Variants in PTPRD observed in about 807,000 individuals in gnomAD.
PTPRD encodes the protein receptor-type tyrosine-protein phosphatase delta.
In PTPRD, 34 loss-of-function variants were observed where a neutral mutation model predicts 214.5. That is an observed-to-expected ratio of 0.16 (90% CI 0.12 to 0.21). The LOEUF is 0.21. Among genes scored for constraint, PTPRD ranks in the 10% least tolerant of loss-of-function variants. PTPRD has a pLI of 1.00. For missense variants in PTPRD, 2,545 were observed against 2,398.7 expected, an observed-to-expected ratio of 1.06 and a Z score of -1.27; for synonymous variants, 1,128 against 845.7, an observed-to-expected ratio of 1.33 and a Z score of -5.79.
intron 3 of PTPRD, among the ~76,000 whole-genome samples, chr9:10,252,902 G>A (rs775801057): frequency 1.3e-5 from 2 of 151,946 alleles, no homozygotes; most frequent in African/African-American, 2.4e-5. Context: ...TTCTGCCTCA[G>A]CCTCCCGAGT....
At chr9:8,549,147 G>A (rs370749933) in intron 14 of PTPRD, among the ~76,000 whole-genome samples, 11 of 152,158 alleles carry the variant, frequency 7.2e-5, no homozygotes, top group African/African-American at 2.7e-4. Flanking sequence ...GTCTATGTGC[G>A]GATATAACAT....
At chr9:9,139,280 C>G (rs2099856205) in intron 10 of PTPRD, among the ~76,000 whole-genome samples, 1 of 152,106 alleles carries the variant, frequency 6.6e-6, no homozygotes, top group Admixed American at 6.5e-5. Flanking sequence ...AGCAGGTCCT[C>G]AAATAACATC....
intron 6 of PTPRD, among the ~76,000 whole-genome samples, chr9:9,746,985 G>A (rs1196076953): frequency 2.6e-5 from 4 of 152,134 alleles, no homozygotes; most frequent in African/African-American, 4.8e-5. Flanking sequence ...GTTAGGAAAC[G>A]TTTAACATGT....
intron 10 of PTPRD, among the ~76,000 whole-genome samples, chr9:9,023,901 A>C (rs1390917426): frequency 6.6e-6 from 1 of 151,726 alleles, no homozygotes; most frequent in Admixed American, 6.6e-5. Flanking sequence ...ATTTCCTGTG[A>C]TATTGCACAG....
chr9:9,916,053 G>A (rs931834654), intron 5 of PTPRD, among the ~76,000 whole-genome samples: 10 of 150,934 alleles, frequency 6.6e-5, no homozygotes, highest in African/African-American at 2.4e-4. Flanking sequence ...AGGAGAGAAT[G>A]AGGCGATATA....
At chr9:9,040,317 G>C (rs2099635648) in intron 10 of PTPRD, among the ~76,000 whole-genome samples, 1 of 152,178 alleles carries the variant, frequency 6.6e-6, no homozygotes, top group Non-Finnish European at 1.5e-5. Context: ...GCCTGGCAGA[G>C]TCTTCTGGTG....
chr9:9,806,504 C>T (rs562673075), intron 5 of PTPRD, among the ~76,000 whole-genome samples: 17 of 152,198 alleles, frequency 1.1e-4, no homozygotes, highest in Admixed American at 1.0e-3. Context: ...AACATTCTCC[C>T]AGCCCTTGAG....
At chr9:8,680,857 C>T (rs976950361) in intron 12 of PTPRD, among the ~76,000 whole-genome samples, 3 of 152,122 alleles carry the variant, frequency 2.0e-5, no homozygotes, top group Admixed American at 2.0e-4. Flanking sequence ...GCTTACAAAT[C>T]CAACATGTAG....
At chr9:9,963,364 T>C (rs945811734) in intron 4 of PTPRD, among the ~76,000 whole-genome samples, 2 of 152,160 alleles carry the variant, frequency 1.3e-5, no homozygotes, top group Non-Finnish European at 2.9e-5. Context: ...GCAATGGGAA[T>C]TCTATGGGCA....
At chr9:8,472,154 C>G (rs1428487467) in intron 30 of PTPRD, among the ~76,000 whole-genome samples, 1 of 152,064 alleles carries the variant, frequency 6.6e-6, no homozygotes, top group African/African-American at 2.4e-5. Flanking sequence ...GGACGCAAAG[C>G]TACATTTATC....
At chr9:10,417,652 C>T (rs1321976394) in intron 2 of PTPRD, among the ~76,000 whole-genome samples, 1 of 151,498 alleles carries the variant, frequency 6.6e-6, no homozygotes, top group Non-Finnish European at 1.5e-5. Flanking sequence ...TTTAGTAATG[C>T]ATGTTATTAC....
intron 14 of PTPRD, among the ~76,000 whole-genome samples, chr9:8,559,101 CATA>C (rs1564339797): frequency 6.6e-6 from 1 of 152,030 alleles, no homozygotes. Flanking sequence ...ACTGAGATGA[CATA>C]ATATTTTAAT....
At chr9:9,141,322 C>A (rs1272890751) in intron 10 of PTPRD, among the ~76,000 whole-genome samples, 1 of 151,522 alleles carries the variant, frequency 6.6e-6, no homozygotes, top group Non-Finnish European at 1.5e-5. Context: ...AACACGGCAC[C>A]TGGATACTTG....
chr9:9,107,539 T>C (rs560583410), intron 10 of PTPRD, among the ~76,000 whole-genome samples: 3 of 152,314 alleles, frequency 2.0e-5, no homozygotes, highest in African/African-American at 7.2e-5. Context: ...TTAGATCAGA[T>C]TGTGGCAGGA....
intron 11 of PTPRD, among the ~76,000 whole-genome samples, chr9:8,903,693 C>T (rs1476323196): frequency 6.6e-6 from 1 of 152,160 alleles, no homozygotes; most frequent in Non-Finnish European, 1.5e-5. Context: ...TAATTATCTT[C>T]TGTGGGCTTT....
chr9:9,118,772 A>G (rs1449481537), intron 10 of PTPRD, among the ~76,000 whole-genome samples: 1 of 152,190 alleles, frequency 6.6e-6, no homozygotes, highest in Admixed American at 6.5e-5. Context: ...TTTTATTTTT[A>G]TAATTTCAAT....
At chr9:9,256,778 A>T (rs1272079852) in intron 9 of PTPRD, among the ~76,000 whole-genome samples, 2 of 151,920 alleles carry the variant, frequency 1.3e-5, no homozygotes, top group Non-Finnish European at 2.9e-5. Context: ...AAAAATCGAC[A>T]ATCTTCTTGT....
rs1563936987 is a variant in PTPRD at position 9,595,322 on chromosome 9, TTA to T, written c.-286-20543_-286-20542del. Among the ~76,000 whole-genome samples, 20 of 75,458 alleles carry T rather than the reference TTA, an allele frequency of 2.7e-4. No individual in the cohort carries two copies. The South Asian group carries it at 3.6e-3, about 14-fold the overall frequency. The allele number at this position is 75,458 out of a possible 152,430, so 49.5% of individuals were successfully genotyped here. ...TATATATATATATATTATATATATT[TTA>T]TATATATAATATATATTGTATATTC... On this transcript the variant is annotated intron_variant, in intron 7 of 45. Coordinates refer to ENST00000381196, the MANE Select transcript of PTPRD (RefSeq NM_002839.4).
At chr9:8,723,857 G>C (rs1031884120) in intron 12 of PTPRD, among the ~76,000 whole-genome samples, 9 of 152,122 alleles carry the variant, frequency 5.9e-5, no homozygotes, top group African/African-American at 2.2e-4. Context: ...AGCTTAAAAG[G>C]AATAGATTGT....
Sources: allele counts gnomAD v4.1 joint callset (sites outside exome capture counted in the v4.1 genomes callset), GRCh38; gene constraint gnomAD v4.1.1; transcripts MANE v1.5; gene names NCBI Gene and HGNC (gene_info 2026-07-23, HGNC 2026-07-21).